INTS4: variants seen among roughly 807,000 people sequenced by gnomAD.
INTS4 encodes the protein MSTP093.
A neutral mutation model predicts 119.5 loss-of-function variants in INTS4; 70 were observed. The ratio of observed to expected loss-of-function variants is 0.59; its 90% confidence interval spans 0.48 to 0.71. The LOEUF is 0.71. Among genes scored for constraint, INTS4 ranks in the 30% least tolerant of loss-of-function variants. The pLI, the probability that INTS4 is intolerant of heterozygous loss-of-function variation, is 0.00. For synonymous variants in INTS4, 316 were observed against 419.6 expected (o/e 0.75, Z 3.02); for missense variants, 867 against 1,173.2 (o/e 0.74, Z 3.81).
At chr11:77,926,914 A>C (rs948576068) in intron 11 of INTS4, among the ~76,000 whole-genome samples, 7 of 152,100 alleles carry the variant, frequency 4.6e-5, no homozygotes, top group Non-Finnish European at 8.8e-5. Flanking sequence ...TATGAAATAG[A>C]GAATTACTGA....
At chr11:77,880,517 T>C (rs1951751690) in intron 22 of INTS4, among the ~76,000 whole-genome samples, 1 of 152,208 alleles carries the variant, frequency 6.6e-6, no homozygotes, top group Non-Finnish European at 1.5e-5. Flanking sequence ...ACTAACACTG[T>C]TCTCTGATAC....
intron 4 of INTS4, among the ~76,000 whole-genome samples, chr11:77,966,417 G>C (rs1322890896): frequency 6.6e-6 from 1 of 152,132 alleles, no homozygotes. Context: ...TCTTCTAGTA[G>C]TTTTACAGTT....
rs1403795734 is a variant in INTS4, at chr11:77,971,049, C to A, written c.471+7947G>T. Reference sequence around the variant, plus strand: ...TCTCGAACTCCTGATCTCAAGTGATCCACCCGCCTTGGCCTCCCACAGTGC... The same window carrying A: ...TCTCGAACTCCTGATCTCAAGTGATACACCCGCCTTGGCCTCCCACAGTGC... On this transcript the variant is annotated intron_variant, in intron 4 of 22. Transcript: ENST00000534064. Among the ~76,000 whole-genome samples the A allele has an allele frequency of 3.9e-5, 6 of 152,202 alleles. No homozygotes were observed. In the East Asian group the frequency reaches 1.2e-3, roughly 30 times the overall value.
Position 77,883,943 on chromosome 11 carries a change from G to C in INTS4, c.2602C>G (p.Pro868Ala), listed in dbSNP as rs776779375. 2.5e-6 allele frequency: 4 copies of C among 1,612,898 alleles called. No homozygotes were observed. Among genetic ancestry groups the C allele is most frequent in the Non-Finnish European group, 3.4e-6 (4 of 1,179,516 alleles). Residue 868 changes from proline (P) to alanine (A), a missense_variant, in exon 22 of 23, where the codon CCA becomes GCA. This residue lies in a region of INTS4 where 122 missense variants were observed against 133.2 expected (regional missense o/e 0.92). Coordinates refer to ENST00000534064, the MANE Select transcript of INTS4 (RefSeq NM_033547.4). ...QNTVKVQVLYPDGQAQMIHPK... is the reference protein window; with the variant it reads ...QNTVKVQVLYADGQAQMIHPK... ...TGAATCATCTGAGCCTGGCCATCTG[G>C]ATATAAGACCTAAAGGGTGACAGAA...
chr11:77,951,217 A>G (rs1191418569), intron 8 of INTS4, among the ~76,000 whole-genome samples: 2 of 152,176 alleles, frequency 1.3e-5, no homozygotes, highest in African/African-American at 2.4e-5. Flanking sequence ...AGCGTGATTT[A>G]TAATCCTTTG....
At chr11:77,969,535 T>G (rs1319606544) in intron 4 of INTS4, among the ~76,000 whole-genome samples, 1 of 152,070 alleles carries the variant, frequency 6.6e-6, no homozygotes, top group African/African-American at 2.4e-5. Flanking sequence ...ATGTGCACCA[T>G]CACACCTGCT....
chr11:77,902,177 C>T (rs1486910183), intron 17 of INTS4, among the ~76,000 whole-genome samples: 1 of 152,186 alleles, frequency 6.6e-6, no homozygotes, highest in Non-Finnish European at 1.5e-5. Context: ...GACTCTCTTA[C>T]AATTGGCAAT....
chr11:77,939,896 G>C (rs1190452802), intron 9 of INTS4, among the ~76,000 whole-genome samples: 1 of 151,552 alleles, frequency 6.6e-6, no homozygotes, highest in Non-Finnish European at 1.5e-5. Flanking sequence ...CCATGCACAA[G>C]AAAAAGAGCT....
chr11:77,943,370 T>C (rs998775134), intron 8 of INTS4, among the ~76,000 whole-genome samples: 3 of 152,190 alleles, frequency 2.0e-5, no homozygotes, highest in Non-Finnish European at 4.4e-5. Flanking sequence ...AGATGTCTAT[T>C]ACTGCAGGAC....
At position 77,979,458 on chromosome 11, in the gene INTS4, G is replaced by A. The variant is rs570665605; in HGVS notation, c.365-356C>T. On this transcript the variant is annotated intron_variant, in intron 3 of 22. Transcript: ENST00000534064. ...CCACAGCACTCCAGCCTGGGCAACA[G>A]AGCGAGACCCAGTCCTAAAAAAACA... 4.3e-4 allele frequency among the ~76,000 whole-genome samples: 65 copies of A among 152,060 alleles called. 1 individual carries two copies. The South Asian group carries it at 0.013, about 31-fold the overall frequency.
At chr11:77,979,705 G>A (rs1006929842) in intron 3 of INTS4, among the ~76,000 whole-genome samples, 1 of 150,156 alleles carries the variant, frequency 6.7e-6, no homozygotes, top group Non-Finnish European at 1.5e-5. Flanking sequence ...GGCCAGGCAC[G>A]GTGGTGGCTT....
At chr11:77,951,492 C>T (rs1400246867) in intron 8 of INTS4, among the ~76,000 whole-genome samples, 2 of 152,162 alleles carry the variant, frequency 1.3e-5, no homozygotes, top group Non-Finnish European at 1.5e-5. Context: ...CCCTTCCTTA[C>T]ACCTTATACA....
chr11:77,975,856 TGAGGCAGGAGAATTGCCTGAACCCGG>T (rs1403025926), intron 4 of INTS4, among the ~76,000 whole-genome samples: 1 of 151,724 alleles, frequency 6.6e-6, no homozygotes, highest in Admixed American at 6.6e-5. Flanking sequence ...CTCGGGAGGC[TGAGGCAGGAGAATTGCCTGAACCCGG>T]GAGGCAGAGG....
intron 10 of INTS4, 29 bp downstream of exon 10, chr11:77,938,622 T>C: frequency 6.3e-7 from 1 of 1,599,056 alleles, no homozygotes; most frequent in Non-Finnish European, 8.5e-7. Flanking sequence ...ACTTAAAGAG[T>C]GCTATTGCTA....
chr11:77,902,465 A>G (rs1952806678), intron 17 of INTS4, among the ~76,000 whole-genome samples: 2 of 152,210 alleles, frequency 1.3e-5, no homozygotes, highest in South Asian at 4.1e-4. Context: ...TGGATCAGAC[A>G]AGAGTTCAGC....
intron 4 of INTS4, among the ~76,000 whole-genome samples, chr11:77,970,805 G>A (rs1252427871): frequency 1.3e-5 from 2 of 151,908 alleles, no homozygotes; most frequent in African/African-American, 4.8e-5. Context: ...GCATCTCATT[G>A]TGGGTTTTTT....
At chr11:77,923,211 G>A (rs1010612152) in intron 12 of INTS4, among the ~76,000 whole-genome samples, 16 of 151,666 alleles carry the variant, frequency 1.1e-4, no homozygotes, top group African/African-American at 3.2e-4. Flanking sequence ...CCAGCTACTC[G>A]GGAGGCTGAG....
At chr11:77,969,717 C>T (rs939954122) in intron 4 of INTS4, among the ~76,000 whole-genome samples, 2 of 151,744 alleles carry the variant, frequency 1.3e-5, no homozygotes, top group Admixed American at 6.6e-5. Flanking sequence ...ACAACCATCA[C>T]CACAGTCAGT....
chr11:77,909,994 G>C (rs1281332139), intron 15 of INTS4, among the ~76,000 whole-genome samples: 1 of 152,070 alleles, frequency 6.6e-6, no homozygotes, highest in African/African-American at 2.4e-5. Context: ...CACTGTTGGT[G>C]GGACTGTAAA....
Sources: allele counts gnomAD v4.1 joint callset (sites outside exome capture counted in the v4.1 genomes callset), GRCh38; gene constraint gnomAD v4.1.1; regional missense constraint gnomAD v4.1.1; transcripts MANE v1.5; gene names NCBI Gene and HGNC (gene_info 2026-07-23, HGNC 2026-07-21).